Variants in SV2B observed in about 807,000 individuals in gnomAD.
SV2B encodes the protein synaptic vesicle glycoprotein 2B, also known as solute carrier family 22 member B2.
SV2B carries 41 observed loss-of-function variants against 73.9 expected under a neutral mutation model. That is an observed-to-expected ratio of 0.56 (90% CI 0.43 to 0.72). SV2B has a LOEUF of 0.72. Among genes scored for constraint, SV2B ranks in the 30% least tolerant of loss-of-function variants. The pLI, the probability that SV2B is intolerant of heterozygous loss-of-function variation, is 0.00. For missense variants in SV2B, 764 were observed against 857.8 expected (o/e 0.89, Z 1.37); for synonymous variants, 314 against 314.2 (o/e 1.00, Z 0.01).
chr15:91,209,658 G>C (rs965152854), intron 1 of SV2B, among the ~76,000 whole-genome samples: 29 of 152,182 alleles, frequency 1.9e-4, no homozygotes, highest in African/African-American at 5.8e-4. Flanking sequence ...GCCAGGTAGA[G>C]ACCTGGGTTT....
chr15:91,118,259 T>C lies in SV2B; in HGVS notation c.-392+17896T>C, dbSNP rs2042233414. On this transcript the variant is annotated intron_variant, in intron 1 of 12. Coordinates refer to ENST00000394232, the MANE Select transcript of SV2B (RefSeq NM_001323032.3). This position sits in a 1 kb window ranked among gnomAD's most constrained non-coding sequence, Gnocchi z 4.7. The stretch of plus-strand genomic sequence containing the variant: ...GATCCATGGTTCTGGTGGAATGGAG[T>C]CTACTATTCAGGAGAGTGCTTTAGA... Among the ~76,000 whole-genome samples, 1 of 151,764 alleles carries C rather than the reference T, an allele frequency of 6.6e-6. No homozygotes were observed. Among genetic ancestry groups the C allele is most frequent in the African/African-American group, 2.4e-5 (1 of 41,276 alleles).
At chr15:91,230,136 G>A (rs12908650) in intron 2 of SV2B, among the ~76,000 whole-genome samples, 1 of 152,036 alleles carries the variant, frequency 6.6e-6, no homozygotes, top group Non-Finnish European at 1.5e-5. Flanking sequence ...AGCTACTTGA[G>A]CGGCTGAGGT....
chr15:91,103,549 T>A (rs1159955861), intron 1 of SV2B, among the ~76,000 whole-genome samples: 1 of 152,226 alleles, frequency 6.6e-6, no homozygotes, highest in East Asian at 1.9e-4. Context: ...CTCTATCTTA[T>A]AGGCTTAACA....
At chr15:91,209,526 C>T (rs942162683) in intron 1 of SV2B, among the ~76,000 whole-genome samples, 65 of 152,200 alleles carry the variant, frequency 4.3e-4, no homozygotes, top group African/African-American at 1.5e-3. Flanking sequence ...GAAAGCCAAA[C>T]AGTTGAAAAG....
rs113991291 is a variant in SV2B, at chr15:91,168,301, C to CGAGA, written c.-391-57545_-391-57542dup. Among the ~76,000 whole-genome samples, 827 of 137,284 alleles carry CGAGA rather than the reference C, an allele frequency of 6.0e-3. 9 individuals carry two copies. Among genetic ancestry groups the CGAGA allele is most frequent in the Middle Eastern group, 7.2e-3 (2 of 278 alleles). The allele number at this position is 137,284 out of a possible 152,430, so 90.1% of individuals were successfully genotyped here. ...TACCTTTGGGCAAAATGGTGAGATA[C>CGAGA]GAGAGAGAGAGAGAGAGAGAGAGAG... On this transcript the variant is annotated intron_variant, in intron 1 of 12. Coordinates refer to ENST00000394232, the MANE Select transcript of SV2B (RefSeq NM_001323032.3).
At chr15:91,174,698 A>T (rs1375959738) in intron 1 of SV2B, among the ~76,000 whole-genome samples, 1 of 152,230 alleles carries the variant, frequency 6.6e-6, no homozygotes, top group Non-Finnish European at 1.5e-5. Flanking sequence ...GTGTAGTGAT[A>T]GTCAAAGAAA....
At chr15:91,266,061 T>C (rs933918937) in intron 6 of SV2B, among the ~76,000 whole-genome samples, 3 of 152,202 alleles carry the variant, frequency 2.0e-5, no homozygotes, top group Non-Finnish European at 2.9e-5. Context: ...GAGAATCGTT[T>C]GAACCTGGGA....
intron 2 of SV2B, among the ~76,000 whole-genome samples, chr15:91,237,968 G>C (rs900758271): frequency 1.2e-4 from 18 of 152,166 alleles, no homozygotes; most frequent in African/African-American, 4.1e-4. Flanking sequence ...AATGAGGGGA[G>C]TGTTGCTCAG....
chr15:91,143,333 T>C (rs1278350651), intron 1 of SV2B, among the ~76,000 whole-genome samples: 4 of 152,326 alleles, frequency 2.6e-5, no homozygotes, highest in South Asian at 4.2e-4. Flanking sequence ...TGTTCCCCAG[T>C]TGATTGTCAT....
chr15:91,233,337 AC>A (rs2046656229), intron 2 of SV2B, among the ~76,000 whole-genome samples: 2 of 152,344 alleles, frequency 1.3e-5, no homozygotes, highest in Non-Finnish European at 2.9e-5. Flanking sequence ...GGCTGTTAGC[AC>A]TAATGTTACT....
intron 1 of SV2B, among the ~76,000 whole-genome samples, chr15:91,164,449 C>T (rs2043839260): frequency 6.6e-6 from 1 of 152,172 alleles, no homozygotes; most frequent in Non-Finnish European, 1.5e-5. Context: ...GTGTCAAATC[C>T]TTCTTATGCT....
chr15:91,252,647 C>T lies in SV2B; in HGVS notation c.784+127C>T. 2.0e-6 allele frequency: 2 copies of T among 1,016,774 alleles called. No individual in the cohort carries two copies. Among genetic ancestry groups the T allele is most frequent in the Non-Finnish European group, 2.6e-6 (2 of 778,508 alleles). 63.0% of individuals were successfully genotyped at this position (1,016,774 alleles called of 1,614,324 possible). On this transcript the variant is annotated intron_variant, in intron 4 of 12. Transcript: ENST00000394232. The surrounding 1 kb of genome is among the most constrained non-coding windows in gnomAD (Gnocchi z 4.6). The stretch of plus-strand genomic sequence containing the variant: ...GTTCCCGTACGTGACCTTGATCTTT[C>T]TTAACAACTTCTAACATTGCAGACA...
chr15:91,287,100 C>T (rs867834806), intron 11 of SV2B, among the ~76,000 whole-genome samples: 37 of 152,202 alleles, frequency 2.4e-4, no homozygotes, highest in African/African-American at 8.0e-4. Context: ...TTCTAGTTCT[C>T]TCCTAGCTTT....
At position 91,129,796 on chromosome 15, in the gene SV2B, T is replaced by C. The variant is rs560461499; in HGVS notation, c.-392+29433T>C. ...GGATTAGAATCCCAGCCCTGCCACT[T>C]ACTAACTGTGTGACCGTAAGTATGG... On this transcript the variant is annotated intron_variant, in intron 1 of 12. Coordinates refer to ENST00000394232, the MANE Select transcript of SV2B (RefSeq NM_001323032.3). The surrounding 1 kb of genome is among the most constrained non-coding windows in gnomAD (Gnocchi z 5.1). 1.3e-5 allele frequency among the ~76,000 whole-genome samples: 2 copies of C among 152,342 alleles called. No individual in the cohort carries two copies. Among genetic ancestry groups the C allele is most frequent in the Admixed American group, 1.3e-4 (2 of 15,304 alleles).
At position 91,105,426 on chromosome 15, in the gene SV2B, T is replaced by C. The variant is rs1235171519; in HGVS notation, c.-392+5063T>C. On this transcript the variant is annotated intron_variant, in intron 1 of 12. Coordinates refer to ENST00000394232, the MANE Select transcript of SV2B (RefSeq NM_001323032.3). The surrounding 1 kb of genome is among the most constrained non-coding windows in gnomAD (Gnocchi z 5.5). ...GGTGCAAAGGCCCCGAGGCAACAGA[T>C]AACTGGCATGTTCCAGGAACAGCAA... is the stretch of plus-strand genomic sequence containing the variant. 6.6e-6 allele frequency among the ~76,000 whole-genome samples: 1 copy of C among 152,130 alleles called. No homozygotes were observed. The highest frequency in any genetic ancestry group is 1.5e-5 in the Non-Finnish European group (1 of 68,022).
chr15:91,174,890 G>T (rs528591819), intron 1 of SV2B, among the ~76,000 whole-genome samples: 2 of 152,268 alleles, frequency 1.3e-5, no homozygotes, highest in African/African-American at 4.8e-5. Flanking sequence ...CTCAGACCCC[G>T]TCGTCTTGGT....
Position 91,104,990 on chromosome 15 carries a change from G to A in SV2B, c.-392+4627G>A, listed in dbSNP as rs190558222. Among the ~76,000 whole-genome samples, 650 of 152,286 alleles carry A rather than the reference G, an allele frequency of 4.3e-3. 6 individuals are homozygous for A. Among genetic ancestry groups the A allele is most frequent in the Non-Finnish European group, 4.0e-3 (274 of 68,012 alleles). On this transcript the variant is annotated intron_variant, in intron 1 of 12. Coordinates refer to ENST00000394232, the MANE Select transcript of SV2B (RefSeq NM_001323032.3). ...TTTCCTTTTCTTCCGGACTCTGCTC[G>A]AATGGGCAGAGCCTGTACTTGCTCT...
Position 91,284,503 on chromosome 15 carries a change from G to A in SV2B, c.1708+282G>A, listed in dbSNP as rs112744842. ...ATTTAATCTATTAGCACTTCAATAA[G>A]GGTAGTAATAATATCCACCCTGCCT... is the stretch of plus-strand genomic sequence containing the variant. On this transcript the variant is annotated intron_variant, in intron 11 of 12. Transcript: ENST00000394232. This position sits in a 1 kb window ranked among gnomAD's most constrained non-coding sequence, Gnocchi z 4.5. Among the ~76,000 whole-genome samples, 1,922 of 152,262 alleles carry A rather than the reference G, an allele frequency of 0.013. 52 individuals carry two copies. Among genetic ancestry groups the A allele is most frequent in the African/African-American group, 0.045 (1,850 of 41,534 alleles).
In SV2B at chr15:91,258,367, C is replaced by T. The variant is rs1075839; in HGVS notation, c.785-54C>T. The stretch of plus-strand genomic sequence containing the variant: ...AGCCAGGGCTTCAGAGTCACTCTTC[C>T]GTAGAGGAAAAGATCATGTCCCAGA... On this transcript the variant is annotated intron_variant, in intron 4 of 12. Coordinates refer to ENST00000394232, the MANE Select transcript of SV2B (RefSeq NM_001323032.3). The surrounding 1 kb of genome is among the most constrained non-coding windows in gnomAD (Gnocchi z 4.7). 34,561 of 1,602,272 alleles carry T rather than the reference C, an allele frequency of 0.022. 846 individuals are homozygous for T. The highest frequency in any genetic ancestry group is 0.11 in the African/African-American group (8,492 of 74,876).
Sources: allele counts gnomAD v4.1 joint callset (sites outside exome capture counted in the v4.1 genomes callset), GRCh38; gene constraint gnomAD v4.1.1; non-coding constraint Gnocchi (gnomAD v3.1); transcripts MANE v1.5; gene names NCBI Gene and HGNC (gene_info 2026-07-23, HGNC 2026-07-21).